The following LRMDA variants were observed in gnomAD, a reference collection of about 807,000 sequenced individuals.
LRMDA encodes leucine rich melanocyte differentiation associated.
Under a neutral mutation model 29.8 loss-of-function variants are expected in LRMDA, and 18 were observed. That is an observed-to-expected ratio of 0.60 (90% CI 0.42 to 0.90). LRMDA has a LOEUF of 0.90. LRMDA is among the 40% of genes least tolerant of loss of function. The pLI, the probability that LRMDA is intolerant of heterozygous loss-of-function variation, is 0.00. For missense variants in LRMDA, 273 were observed against 273.9 expected, an observed-to-expected ratio of 1.00 and a Z score of 0.02; for synonymous variants, 125 against 109.4, an observed-to-expected ratio of 1.14 and a Z score of -0.89.
chr10:76,453,097 G>T (rs1292363811), intron 6 of LRMDA, among the ~76,000 whole-genome samples: 2 of 152,142 alleles, frequency 1.3e-5, no homozygotes, highest in Admixed American at 6.5e-5. Context: ...TGAAATAGAA[G>T]AATATTTCTA....
chr10:76,383,274 A>G (rs1841614716), intron 6 of LRMDA, among the ~76,000 whole-genome samples: 1 of 152,066 alleles, frequency 6.6e-6, no homozygotes, highest in Non-Finnish European at 1.5e-5. Flanking sequence ...TCTTAGCTGG[A>G]GGTTTCTCCT....
intron 6 of LRMDA, among the ~76,000 whole-genome samples, chr10:76,354,368 A>G (rs1324051721): frequency 6.6e-6 from 1 of 152,170 alleles, no homozygotes; most frequent in East Asian, 1.9e-4. Context: ...ATCCCTTGGG[A>G]GTTTTCCCAG....
At chr10:76,495,288 A>C (rs1459862960) in intron 6 of LRMDA, among the ~76,000 whole-genome samples, 1 of 151,824 alleles carries the variant, frequency 6.6e-6, no homozygotes, top group African/African-American at 2.4e-5. Flanking sequence ...CTTCCATTGA[A>C]TTGTTTGTTC....
chr10:75,499,076 G>A (rs1181665988), intron 2 of LRMDA, among the ~76,000 whole-genome samples: 3 of 152,226 alleles, frequency 2.0e-5, no homozygotes, highest in African/African-American at 7.2e-5. Flanking sequence ...GGAGAATGAG[G>A]TGATGGAGAC....
chr10:75,694,326 T>C (rs1842206176), intron 2 of LRMDA, among the ~76,000 whole-genome samples: 2 of 152,186 alleles, frequency 1.3e-5, no homozygotes, highest in Non-Finnish European at 2.9e-5. Flanking sequence ...AATGTTTGTA[T>C]AGTGGGCAAA....
At chr10:75,900,367 A>G (rs959889241) in intron 2 of LRMDA, among the ~76,000 whole-genome samples, 1 of 152,216 alleles carries the variant, frequency 6.6e-6, no homozygotes, top group African/African-American at 2.4e-5. Context: ...GAATGGTGCC[A>G]GTCAGAGTTA....
intron 2 of LRMDA, among the ~76,000 whole-genome samples, chr10:75,691,995 G>C (rs1191852527): frequency 2.0e-5 from 3 of 151,950 alleles, no homozygotes; most frequent in African/African-American, 7.3e-5. Context: ...TTGAGGCCAG[G>C]AGTTCAAGAC....
intron 6 of LRMDA, among the ~76,000 whole-genome samples, chr10:76,426,871 A>G (rs1288407039): frequency 6.6e-6 from 1 of 152,124 alleles, no homozygotes; most frequent in Admixed American, 6.5e-5. Flanking sequence ...TCCTTTCCCC[A>G]TTTCTTGTTT....
At chr10:76,264,403 T>A (rs1839979149) in intron 5 of LRMDA, among the ~76,000 whole-genome samples, 1 of 57,482 alleles carries the variant, frequency 1.7e-5, no homozygotes, top group Admixed American at 3.1e-4. Context: ...CAAGACTCTG[T>A]CTCAAAAAAA....
intron 6 of LRMDA, among the ~76,000 whole-genome samples, chr10:76,458,125 C>CAAAA (rs66952051): frequency 0.35 from 49,532 of 139,618 alleles, 9,759 homozygotes; most frequent in Middle Eastern, 0.52. Context: ...CTAGTGCTTT[C>CAAAA]AAAAAAAAAA....
In LRMDA at chr10:75,859,318, C is replaced by T. The variant is rs1363310590; in HGVS notation, c.132-176690C>T. 2.0e-5 allele frequency among the ~76,000 whole-genome samples: 3 copies of T among 152,078 alleles called. No homozygotes were observed. In the South Asian group the frequency reaches 6.2e-4, roughly 32 times the overall value. ...GCCCCTGTGGTGATTTTTATCAGTA[C>T]TCACCCCTCCCGGTGATTTATGGAA... On this transcript the variant is annotated intron_variant, in intron 2 of 6. Coordinates refer to ENST00000611255, the MANE Select transcript of LRMDA (RefSeq NM_001305581.2).
At chr10:76,086,830 G>A (rs528271419) in intron 5 of LRMDA, among the ~76,000 whole-genome samples, 2 of 152,324 alleles carry the variant, frequency 1.3e-5, no homozygotes, top group South Asian at 2.1e-4. Flanking sequence ...ACTGCAGACC[G>A]CTGTGTACAG....
In LRMDA at chr10:75,726,848, G is replaced by C. The variant is rs563163519; in HGVS notation, c.131+288354G>C. On this transcript the variant is annotated intron_variant, in intron 2 of 6. Coordinates refer to ENST00000611255, the MANE Select transcript of LRMDA (RefSeq NM_001305581.2). ...CCACATCCAACAAGTTGGAGAGCCA[G>C]TTATGGGTACAATGATACACTCATG... 4.6e-5 allele frequency among the ~76,000 whole-genome samples: 7 copies of C among 152,294 alleles called. No individual in the cohort carries two copies. In the South Asian group the frequency reaches 1.5e-3, roughly 32 times the overall value.
intron 2 of LRMDA, among the ~76,000 whole-genome samples, chr10:75,787,328 C>T (rs1260994825): frequency 6.6e-6 from 1 of 152,192 alleles, no homozygotes; most frequent in African/African-American, 2.4e-5. Flanking sequence ...AGACGTCAGC[C>T]TGGCGGCATA....
intron 3 of LRMDA, among the ~76,000 whole-genome samples, chr10:76,046,959 T>G (rs1439349434): frequency 6.6e-6 from 1 of 152,238 alleles, no homozygotes; most frequent in Non-Finnish European, 1.5e-5. Flanking sequence ...GGACTTAGTC[T>G]TACCTGCCTA....
intron 2 of LRMDA, among the ~76,000 whole-genome samples, chr10:75,976,609 A>C (rs1847075911): frequency 6.6e-6 from 1 of 152,234 alleles, no homozygotes; most frequent in Non-Finnish European, 1.5e-5. Context: ...ATAACTAATA[A>C]GCAGTTAATA....
chr10:76,456,649 T>C (rs1842459292), intron 6 of LRMDA, among the ~76,000 whole-genome samples: 1 of 150,222 alleles, frequency 6.7e-6, no homozygotes, highest in Non-Finnish European at 1.5e-5. Flanking sequence ...AGTTGCACTC[T>C]TATTAAAAAA....
chr10:75,612,106 T>C (rs2132099944), intron 2 of LRMDA, among the ~76,000 whole-genome samples: 1 of 152,308 alleles, frequency 6.6e-6, no homozygotes, highest in South Asian at 2.1e-4. Context: ...GTGGGCTAGG[T>C]ACGAATGACT....
At chr10:75,613,767 G>A (rs960845631) in intron 2 of LRMDA, among the ~76,000 whole-genome samples, 25 of 152,318 alleles carry the variant, frequency 1.6e-4, no homozygotes, top group Non-Finnish European at 1.3e-4. Flanking sequence ...ACTTTGACCA[G>A]ATTCGGTTTC....
Sources: allele counts gnomAD v4.1 joint callset (sites outside exome capture counted in the v4.1 genomes callset), GRCh38; gene constraint gnomAD v4.1.1; transcripts MANE v1.5; gene names NCBI Gene and HGNC (gene_info 2026-07-23, HGNC 2026-07-21).